Variants in MCC observed in about 807,000 individuals in gnomAD.
The protein encoded by MCC is MCC regulator of Wnt signaling pathway.
MCC carries 90 observed loss-of-function variants against 116.2 expected under a neutral mutation model. That is an observed-to-expected ratio of 0.77 (90% CI 0.65 to 0.92). The LOEUF (loss-of-function observed/expected upper bound fraction) is 0.92, where lower values mean the gene tolerates loss of function less well. Ranked by LOEUF, MCC falls within the 40% of genes least tolerant of loss-of-function variation. The pLI is 0.00. For synonymous variants in MCC, 578 were observed against 510.5 expected (o/e 1.13, Z -1.78); for missense variants, 1,516 against 1,312.2 (o/e 1.16, Z -2.40).
intron 3 of MCC, among the ~76,000 whole-genome samples, chr5:113,275,702 T>C (rs1223368607): frequency 2.6e-5 from 4 of 152,176 alleles, no homozygotes; most frequent in Non-Finnish European, 5.9e-5. Context: ...ACTATTTACA[T>C]AGCATTCACA....
chr5:113,257,835 T>C (rs532727464), intron 3 of MCC, among the ~76,000 whole-genome samples: 17 of 152,252 alleles, frequency 1.1e-4, no homozygotes, highest in East Asian at 7.7e-4. Flanking sequence ...CAATACCACA[T>C]GTTCCCGAGG....
intron 3 of MCC, among the ~76,000 whole-genome samples, chr5:113,254,485 T>C (rs1039095173): frequency 2.6e-5 from 4 of 152,192 alleles, no homozygotes; most frequent in Admixed American, 2.6e-4. Context: ...TTTGAGAGAA[T>C]GAAGACAAAT....
chr5:113,108,213 C>T (rs112741470), intron 6 of MCC, among the ~76,000 whole-genome samples: 11,563 of 151,222 alleles, frequency 0.076, 1,284 homozygotes, highest in African/African-American at 0.24. Context: ...GGTGTGGTGG[C>T]GCACACCTGT....
chr5:113,138,350 T>C (rs1169988404), intron 5 of MCC, among the ~76,000 whole-genome samples: 1 of 152,154 alleles, frequency 6.6e-6, no homozygotes, highest in African/African-American at 2.4e-5. Flanking sequence ...ACATCCAATG[T>C]GATGGTGTTT....
chr5:113,112,315 G>T (rs1033051896), intron 6 of MCC, among the ~76,000 whole-genome samples: 1 of 152,182 alleles, frequency 6.6e-6, no homozygotes, highest in African/African-American at 2.4e-5. Flanking sequence ...GGAGGGGCTT[G>T]TTGGGAGGTG....
chr5:113,459,187 T>TGGG (rs11346570), intron 1 of MCC, among the ~76,000 whole-genome samples: 1 of 82,204 alleles, frequency 1.2e-5, no homozygotes, highest in Non-Finnish European at 2.7e-5. Context: ...GTGAAGTGGG[T>TGGG]GGGGGGGGGA....
intron 1 of MCC, among the ~76,000 whole-genome samples, chr5:113,424,925 C>T (rs1043288667): frequency 4.0e-5 from 6 of 151,818 alleles, no homozygotes; most frequent in African/African-American, 1.2e-4. Context: ...AATAAGCTCA[C>T]TTTGCAATAT....
At chr5:113,129,146 G>C (rs1029394802) in intron 5 of MCC, among the ~76,000 whole-genome samples, 3 of 152,190 alleles carry the variant, frequency 2.0e-5, no homozygotes, top group African/African-American at 7.2e-5. Flanking sequence ...GAGATAGGAG[G>C]GGTCTGTGCC....
intron 3 of MCC, among the ~76,000 whole-genome samples, chr5:113,325,930 C>T (rs542759972): frequency 1.3e-4 from 20 of 152,118 alleles, no homozygotes; most frequent in Non-Finnish European, 2.5e-4. Flanking sequence ...AAACCAAAAG[C>T]TGGGAATCTG....
intron 1 of MCC, among the ~76,000 whole-genome samples, chr5:113,449,494 C>A (rs368828306): frequency 1.3e-5 from 2 of 152,214 alleles, no homozygotes; most frequent in African/African-American, 2.4e-5. Flanking sequence ...GTACTCTCAG[C>A]CAGACACTAG....
intron 8 of MCC, among the ~76,000 whole-genome samples, chr5:113,099,341 C>T (rs1427923387): frequency 3.3e-5 from 5 of 152,046 alleles, no homozygotes; most frequent in Non-Finnish European, 2.9e-5. Context: ...TGTGTGCAGG[C>T]CTGTATGTGT....
intron 1 of MCC, chr5:113,400,064 T>C (rs547006981): frequency 6.6e-6 from 1 of 152,056 alleles, no homozygotes; most frequent in Admixed American, 6.6e-5. Flanking sequence ...TACATGTGAC[T>C]GTTTCCTAAT....
chr5:113,215,918 C>G (rs1763297373), intron 3 of MCC, among the ~76,000 whole-genome samples: 1 of 152,190 alleles, frequency 6.6e-6, no homozygotes, highest in South Asian at 2.1e-4. Flanking sequence ...TGACCACACT[C>G]TGATCTCTCA....
At chr5:113,096,657 T>C (rs1435231340) in intron 8 of MCC, among the ~76,000 whole-genome samples, 1 of 152,180 alleles carries the variant, frequency 6.6e-6, no homozygotes, top group Admixed American at 6.5e-5. Flanking sequence ...AATGCTGTGG[T>C]GGGAGCCTTT....
chr5:113,106,752 G>C (rs1756758104), intron 6 of MCC, among the ~76,000 whole-genome samples: 2 of 152,068 alleles, frequency 1.3e-5, no homozygotes, highest in Non-Finnish European at 2.9e-5. Context: ...GTAGACACAG[G>C]GTCTATGTTG....
chr5:113,280,101 G>A (rs1264737062), intron 3 of MCC, among the ~76,000 whole-genome samples: 1 of 152,138 alleles, frequency 6.6e-6, no homozygotes, highest in African/African-American at 2.4e-5. Flanking sequence ...CCTGAGAGAG[G>A]ACACCCAGAG....
intron 1 of MCC, among the ~76,000 whole-genome samples, chr5:113,478,117 A>T (rs1772282060): frequency 6.6e-6 from 1 of 152,224 alleles, no homozygotes; most frequent in Admixed American, 6.5e-5. Flanking sequence ...ACTAAGACAG[A>T]GGCAAGGTTT....
chr5:113,065,839 C>T lies in MCC; in HGVS notation c.2030-1672G>A, dbSNP rs368637520. ...ATGATGGGCCAGCCACTCCTGTCAG[C>T]GGAATGCAAGGGCGAGGCTTAATGG... On this transcript the variant is annotated intron_variant, in intron 13 of 18. Transcript: ENST00000408903. Among the ~76,000 whole-genome samples, 236 of 152,316 alleles carry T rather than the reference C, an allele frequency of 1.5e-3. 1 individual carries two copies. Among genetic ancestry groups the T allele is most frequent in the South Asian group, 8.9e-3 (43 of 4,828 alleles).
At chr5:113,479,096 G>A (rs1056389527) in intron 1 of MCC, among the ~76,000 whole-genome samples, 1 of 152,010 alleles carries the variant, frequency 6.6e-6, no homozygotes, top group African/African-American at 2.4e-5. Context: ...ATTAATGAAC[G>A]GATAAACAAA....
Sources: allele counts gnomAD v4.1 joint callset (sites outside exome capture counted in the v4.1 genomes callset), GRCh38; gene constraint gnomAD v4.1.1; transcripts MANE v1.5; gene names NCBI Gene and HGNC (gene_info 2026-07-23, HGNC 2026-07-21).